Variants in TGM2 observed in about 807,000 individuals in gnomAD.
TGM2 encodes protein-glutamine gamma-glutamyltransferase 2.
In TGM2, 53 loss-of-function variants were observed where a neutral mutation model predicts 75.6. That is an observed-to-expected ratio of 0.70 (90% CI 0.56 to 0.88). The LOEUF (loss-of-function observed/expected upper bound fraction) is 0.88. TGM2 is among the 40% of genes least tolerant of loss of function. The pLI is 0.00. For missense variants in TGM2, 842 were observed against 928.5 expected, an observed-to-expected ratio of 0.91 and a Z score of 1.21; for synonymous variants, 374 against 381.1, an observed-to-expected ratio of 0.98 and a Z score of 0.22.
chr20:38,139,375 T>C (rs1421595760), intron 9 of TGM2, 37 bp downstream of exon 9: 4 of 1,613,758 alleles, frequency 2.5e-6, no homozygotes, highest in Non-Finnish European at 3.4e-6. Context: ...TGGATGCTTA[T>C]CTTCAAGGCT....
intron 2 of TGM2, among the ~76,000 whole-genome samples, chr20:38,161,150 C>A (rs1477385302): frequency 6.6e-6 from 1 of 152,186 alleles, no homozygotes; most frequent in East Asian, 1.9e-4. Context: ...GGCTGACCTG[C>A]AACCCTGGTG....
chr20:38,163,662 TG>T (rs2075279813), intron 1 of TGM2, among the ~76,000 whole-genome samples: 1 of 152,160 alleles, frequency 6.6e-6, no homozygotes, highest in African/African-American at 2.4e-5. Flanking sequence ...TTCTCAAACC[TG>T]GGGGCAGATA....
At chr20:38,153,528 A>AAAAAAAAAAAAAAAAAAAGAAAAG (rs56670550) in intron 3 of TGM2, among the ~76,000 whole-genome samples, 4 of 125,264 alleles carry the variant, frequency 3.2e-5, no homozygotes, top group South Asian at 2.6e-4. Context: ...TGGTCTCAAA[A>AAAAAAAAAAAAAAAAAAAGAAAAG]AAAAGAAAAA....
At chr20:38,158,917 T>C (rs1243099392) in intron 2 of TGM2, among the ~76,000 whole-genome samples, 1 of 152,176 alleles carries the variant, frequency 6.6e-6, no homozygotes, top group Non-Finnish European at 1.5e-5. Flanking sequence ...CCCTCAGGCT[T>C]CTCCGGGCCC....
At chr20:38,158,776 C>G (rs2075217960) in intron 2 of TGM2, among the ~76,000 whole-genome samples, 1 of 152,224 alleles carries the variant, frequency 6.6e-6, no homozygotes, top group African/African-American at 2.4e-5. Context: ...TCCTGCTTCT[C>G]TGGGCCTCAG....
chr20:38,150,965 T>G lies in TGM2; in HGVS notation c.526A>C (p.Lys176Gln), dbSNP rs200959101. The G allele has an allele frequency of 2.6e-5, 42 of 1,614,048 alleles. 2 individuals carry two copies. In the South Asian group the frequency reaches 4.5e-4, roughly 17 times the overall value. The part of the protein sequence containing the change: ...FIYQGSAKFI[K>Q]NIPWNFGQFE... ...TGCCCAAAATTCCAAGGTATGTTCT[T>G]GATGAACTTGGCCGAGCCCTGGTAG... Residue 176 changes from lysine (K) to glutamine (Q), a missense_variant, in exon 4 of 13, where the codon AAG (lysine) becomes CAG (glutamine). Transcript: ENST00000361475.
In TGM2 at chr20:38,130,353, C is replaced by T; in HGVS notation, c.1930G>A (p.Ala644Thr). ...ATTCTCACCTTAACTTCCTCCCCTG[C>T]CTCCACGGGGTCTGGGCTGCAGGGA... Reference protein sequence around the residue: ...KTVEIPDPVEAGEEVKVRMDL... With the variant: ...KTVEIPDPVETGEEVKVRMDL... Residue 644 changes from alanine to threonine, a missense_variant, in exon 13 of 13, where the codon GCA (alanine) becomes ACA (threonine). By Grantham distance (58) the Ala-to-Thr change is moderately conservative. Transcript: ENST00000361475. The T allele has an allele frequency of 2.5e-6, 4 of 1,595,738 alleles. No individual in the cohort carries two copies. Among genetic ancestry groups the T allele is most frequent in the East Asian group, 2.3e-5 (1 of 44,308 alleles).
chr20:38,137,251 G>A lies in TGM2; in HGVS notation c.1615+862C>T, dbSNP rs572350644. ...TATAATCCCAGCACTTTGGGAGGCCGAGGCAGGTAGATCACTTGAGGCCAG... is the reference window on the plus strand; with the variant it reads ...TATAATCCCAGCACTTTGGGAGGCCAAGGCAGGTAGATCACTTGAGGCCAG... On this transcript the variant is annotated intron_variant, in intron 10 of 12. Transcript: ENST00000361475. Among the ~76,000 whole-genome samples the A allele has an allele frequency of 5.5e-4, 83 of 152,256 alleles. 1 individual carries two copies. The Middle Eastern group carries it at 0.01, about 19-fold the overall frequency.
intron 5 of TGM2, 76 bp downstream of exon 5, chr20:38,147,885 G>A (rs1035436634): frequency 1.4e-4 from 218 of 1,555,812 alleles, no homozygotes; most frequent in Middle Eastern, 4.5e-4. Flanking sequence ...CCTAGCCTGT[G>A]TCTCCACTGC....
At chr20:38,134,285 A>G (rs879692237) in intron 10 of TGM2, among the ~76,000 whole-genome samples, 2 of 152,132 alleles carry the variant, frequency 1.3e-5, no homozygotes, top group Admixed American at 6.6e-5. Context: ...ATCTGCTCCA[A>G]CCTCTCATCA....
At position 38,156,258 on chromosome 20, in the gene TGM2, A is replaced by AG. The variant is rs1278431004; in HGVS notation, c.191-170dup. ...TGAGCCTCAGTTTCCTCATCTGTAA[A>AG]GGGGGGCTCAGAACCCCAGCCTTTT... On this transcript the variant is annotated intron_variant, in intron 2 of 12. Transcript: ENST00000361475. Among the ~76,000 whole-genome samples the AG allele has an allele frequency of 7.9e-5, 12 of 152,248 alleles. 1 individual carries two copies. Among genetic ancestry groups the AG allele is most frequent in the Admixed American group, 7.9e-4 (12 of 15,282 alleles).
intron 4 of TGM2, 149 bp from the exon 5 acceptor site, chr20:38,148,238 G>C: frequency 9.7e-7 from 1 of 1,033,200 alleles, no homozygotes; most frequent in South Asian, 1.4e-5. Flanking sequence ...TCTCTCTGGT[G>C]GCAGCTTCTC....
At chr20:38,159,471 C>G (rs1289222301) in intron 2 of TGM2, among the ~76,000 whole-genome samples, 2 of 151,478 alleles carry the variant, frequency 1.3e-5, no homozygotes, top group Admixed American at 6.6e-5. Context: ...ACGAGTTTAC[C>G]TATATAACAA....
Position 38,130,245 on chromosome 20 carries a change from G to A in TGM2, c.2038C>T (p.Arg680Trp), listed in dbSNP as rs146621816. The A allele has an allele frequency of 3.6e-5, 58 of 1,613,284 alleles. No homozygotes were observed. The highest frequency in any genetic ancestry group is 1.6e-4 in the Middle Eastern group (1 of 6,084). Reference protein sequence around the residue: ...SDKLKAVKGFRNVIIGPA With the variant: ...SDKLKAVKGFWNVIIGPA ...TAGGCGGGGCCAATGATGACATTCC[G>A]GAAGCCCTTCACAGCCTTCAGCTTG... The change falls in exon 13 of 13, where the codon CGG becomes TGG. Residue 680 changes from arginine to tryptophan, a missense_variant. Physicochemically the swap from Arg to Trp is moderately radical, Grantham distance 101 (BLOSUM62 -3). Transcript: ENST00000361475.
Position 38,131,324 on chromosome 20 carries a change from AG to A in TGM2, c.1777-96del. On this transcript the variant is annotated intron_variant, in intron 11 of 12. Transcript: ENST00000361475. Reference sequence around the variant, plus strand: ...ATTTGGCCCAATATTTGCTGAACAAAGCTGTACCCAGGTCTGCCACGATCAC... The same window carrying A: ...ATTTGGCCCAATATTTGCTGAACAAACTGTACCCAGGTCTGCCACGATCAC... 1.9e-6 allele frequency: 3 copies of A among 1,572,134 alleles called. No homozygotes were observed. In the South Asian group the frequency reaches 3.3e-5, roughly 18 times the overall value.
chr20:38,147,246 G>T (rs531714924), intron 5 of TGM2, among the ~76,000 whole-genome samples: 1 of 151,868 alleles, frequency 6.6e-6, no homozygotes, highest in South Asian at 2.1e-4. Flanking sequence ...AGATTGTGTC[G>T]TTCCCCCTAA....
chr20:38,164,297 C>T (rs893135787), intron 1 of TGM2, among the ~76,000 whole-genome samples: 2 of 152,234 alleles, frequency 1.3e-5, no homozygotes, highest in African/African-American at 4.8e-5. Context: ...CACACCCCTT[C>T]CTGGGGGTTG....
chr20:38,167,269 G>A (rs1395974465), upstream of TGM2, among the ~76,000 whole-genome samples: 1 of 152,116 alleles, frequency 6.6e-6, no homozygotes, highest in Non-Finnish European at 1.5e-5. Flanking sequence ...GATGGGTTTG[G>A]CCTTTTCTAC....
At chr20:38,141,215 G>T (rs1248149830) in intron 8 of TGM2, 67 bp downstream of exon 8, 11 of 1,348,220 alleles carry the variant, frequency 8.2e-6, no homozygotes, top group Non-Finnish European at 1.1e-5. Context: ...CCCTCCAGCT[G>T]AGTCACTTTA....
Sources: gnomAD v4.1 joint callset for allele counts (sites outside exome capture counted in the v4.1 genomes callset) on GRCh38, gnomAD v4.1.1 for gene constraint, MANE v1.5 for transcripts, NCBI Gene and HGNC (gene_info 2026-07-23, HGNC 2026-07-21) for gene names.